ZNF385D: variants seen among roughly 807,000 people sequenced by gnomAD.
ZNF385D encodes zinc finger protein 385D.
In ZNF385D, 15 loss-of-function variants were observed where a neutral mutation model predicts 35.8. The ratio of observed to expected loss-of-function variants is 0.42; its 90% confidence interval spans 0.28 to 0.64. ZNF385D has a LOEUF of 0.64. ZNF385D is among the 30% of genes least tolerant of loss of function. ZNF385D has a pLI of 0.23. For synonymous variants in ZNF385D, 212 were observed against 186.8 expected, an observed-to-expected ratio of 1.13 and a Z score of -1.10; for missense variants, 474 against 494.6, an observed-to-expected ratio of 0.96 and a Z score of 0.39.
chr3:22,139,535 T>C (rs1008958172), intron 3 of ZNF385D, among the ~76,000 whole-genome samples: 4 of 151,366 alleles, frequency 2.6e-5, no homozygotes, highest in Admixed American at 1.3e-4. Flanking sequence ...AAACACCTCA[T>C]GTTCTCACTC....
intron 3 of ZNF385D, among the ~76,000 whole-genome samples, chr3:22,018,935 G>A (rs1576163199): frequency 6.6e-6 from 1 of 150,378 alleles, no homozygotes; most frequent in South Asian, 2.1e-4. Context: ...AGGATTGAAC[G>A]TGCAATTCCT....
At chr3:21,781,860 G>A (rs148272468) in intron 3 of ZNF385D, among the ~76,000 whole-genome samples, 385 of 152,080 alleles carry the variant, frequency 2.5e-3, no homozygotes, top group African/African-American at 8.2e-3. Context: ...TCTAGCAATG[G>A]CATTCAACCC....
chr3:22,041,089 T>C lies in ZNF385D; in HGVS notation c.325+127728A>G, dbSNP rs373175182. Among the ~76,000 whole-genome samples, 3 of 152,088 alleles carry C rather than the reference T, an allele frequency of 2.0e-5. No homozygotes were observed. In the East Asian group the frequency reaches 5.8e-4, roughly 29 times the overall value. On this transcript the variant is annotated intron_variant, in intron 3 of 5. Transcript: ENST00000494108. ...GTTTCAAAAGATGTCATTAGGTCAG[T>C]TCTCCCGCTCTGTCACTCTCTTCTC...
intron 2 of ZNF385D, among the ~76,000 whole-genome samples, chr3:22,256,034 T>C (rs1454602964): frequency 1.3e-5 from 2 of 151,622 alleles, no homozygotes; most frequent in Non-Finnish European, 2.9e-5. Context: ...GCACAAAAAT[T>C]AGACAAGAAA....
chr3:21,792,125 A>G (rs139546993), intron 3 of ZNF385D, among the ~76,000 whole-genome samples: 3 of 152,328 alleles, frequency 2.0e-5, no homozygotes, highest in East Asian at 3.9e-4. Flanking sequence ...TCTTTCATCA[A>G]TAAATTATAT....
intron 3 of ZNF385D, among the ~76,000 whole-genome samples, chr3:22,160,870 A>G (rs1705906925): frequency 6.6e-6 from 1 of 152,138 alleles, no homozygotes; most frequent in African/African-American, 2.4e-5. Flanking sequence ...TCCTTCAACA[A>G]GCATTAACAA....
In ZNF385D at chr3:21,828,014, T is replaced by G. The variant is rs148063310; in HGVS notation, c.326-162986A>C. Among the ~76,000 whole-genome samples the G allele has an allele frequency of 2.6e-5, 4 of 152,330 alleles. No homozygotes were observed. The East Asian group carries it at 7.7e-4, about 29-fold the overall frequency. On this transcript the variant is annotated intron_variant, in intron 3 of 5. Transcript: ENST00000494108. ...TATTAAGGAAAACTTGACTCAGAGT[T>G]TATGCATTTTCTTCTGATTATGGTT... is the stretch of plus-strand genomic sequence containing the variant.
chr3:22,316,532 G>A (rs1703898456), intron 2 of ZNF385D, among the ~76,000 whole-genome samples: 2 of 152,192 alleles, frequency 1.3e-5, no homozygotes, highest in African/African-American at 2.4e-5. Context: ...AGGAAAAAGT[G>A]TGACAATACA....
At chr3:21,825,799 C>T (rs907861328) in intron 3 of ZNF385D, among the ~76,000 whole-genome samples, 1 of 152,186 alleles carries the variant, frequency 6.6e-6, no homozygotes, top group Admixed American at 6.5e-5. Flanking sequence ...GGGCTGCGGA[C>T]CAGAACCAGT....
At chr3:22,158,474 G>A (rs1489080575) in intron 3 of ZNF385D, among the ~76,000 whole-genome samples, 4 of 151,978 alleles carry the variant, frequency 2.6e-5, no homozygotes, top group African/African-American at 9.7e-5. Flanking sequence ...CAAGTTCACA[G>A]TGCTGCTATA....
At chr3:21,885,734 C>CTGTGTGTGTGTG (rs773651077) in intron 3 of ZNF385D, among the ~76,000 whole-genome samples, 16 of 131,932 alleles carry the variant, frequency 1.2e-4, no homozygotes, top group South Asian at 2.4e-4. Flanking sequence ...CAGGGTGTGT[C>CTGTGTGTGTGTG]TGTGTCTGTG....
intron 3 of ZNF385D, among the ~76,000 whole-genome samples, chr3:22,020,506 G>A (rs552165029): frequency 1.3e-5 from 2 of 151,730 alleles, no homozygotes; most frequent in Non-Finnish European, 2.9e-5. Flanking sequence ...ACATAAAAAC[G>A]GCCAACAGGT....
chr3:22,305,857 CA>C (rs1559509637), intron 2 of ZNF385D, among the ~76,000 whole-genome samples: 1 of 152,146 alleles, frequency 6.6e-6, no homozygotes, highest in African/African-American at 2.4e-5. Flanking sequence ...TGTGTTGTTA[CA>C]ATTGTTTTGT....
chr3:22,005,268 A>G (rs1696130862), intron 3 of ZNF385D, among the ~76,000 whole-genome samples: 1 of 151,976 alleles, frequency 6.6e-6, no homozygotes, highest in Non-Finnish European at 1.5e-5. Context: ...GGCTATTATT[A>G]AAAAGATGAA....
chr3:22,104,335 G>T (rs1702097129), intron 3 of ZNF385D, among the ~76,000 whole-genome samples: 1 of 152,002 alleles, frequency 6.6e-6, no homozygotes, highest in Non-Finnish European at 1.5e-5. Context: ...TTGAAAAAAA[G>T]GATGACGTTT....
At chr3:22,265,683 G>A (rs182861135) in intron 2 of ZNF385D, among the ~76,000 whole-genome samples, 1 of 152,076 alleles carries the variant, frequency 6.6e-6, no homozygotes, top group Non-Finnish European at 1.5e-5. Context: ...AGAGGAAGGA[G>A]TGATCAGAAA....
At chr3:21,854,116 T>C (rs766896690) in intron 3 of ZNF385D, among the ~76,000 whole-genome samples, 2 of 151,974 alleles carry the variant, frequency 1.3e-5, no homozygotes, top group African/African-American at 4.8e-5. Flanking sequence ...ATAGTACTGC[T>C]GTGATATTTA....
At chr3:21,801,122 T>A (rs375127942) in intron 3 of ZNF385D, among the ~76,000 whole-genome samples, 2 of 152,204 alleles carry the variant, frequency 1.3e-5, no homozygotes, top group Non-Finnish European at 2.9e-5. Flanking sequence ...CTTTATTACA[T>A]TGATTCATTG....
At chr3:22,158,564 TG>T (rs1248646841) in intron 3 of ZNF385D, among the ~76,000 whole-genome samples, 1 of 152,070 alleles carries the variant, frequency 6.6e-6, no homozygotes, top group African/African-American at 2.4e-5. Context: ...GACATGTATC[TG>T]GGCTGCTATT....
Sources: allele counts gnomAD v4.1 joint callset (sites outside exome capture counted in the v4.1 genomes callset), GRCh38; gene constraint gnomAD v4.1.1; transcripts MANE v1.5; gene names NCBI Gene and HGNC (gene_info 2026-07-23, HGNC 2026-07-21).